Variants in NRK observed in about 807,000 individuals in gnomAD.
NRK encodes Nik related kinase.
Under a neutral mutation model 125.2 loss-of-function variants are expected in NRK, and 67 were observed. The observed-to-expected ratio is 0.54, with a 90% CI of 0.44 to 0.66. NRK has a LOEUF of 0.66. Ranked by LOEUF, NRK falls within the 30% of genes least tolerant of loss-of-function variation. NRK has a pLI of 0.00. For missense variants in NRK, 1,224 were observed against 1,192.9 expected (o/e 1.03, Z -0.38); for synonymous variants, 458 against 429.0 (o/e 1.07, Z -0.84).
At position 105,822,710 on chromosome X, in the gene NRK, A is replaced by G. The variant is rs984243921; in HGVS notation, c.-136A>G. The G allele has an allele frequency of 1.3e-5, 8 of 616,418 alleles. No homozygotes were observed. The African/African-American group carries it at 1.3e-4, about 10-fold the overall frequency. 50.8% of individuals were successfully genotyped at this position (616,418 alleles called of 1,213,427 possible). A position where few individuals can be genotyped will look rare whatever the true frequency, so the allele number is the denominator to read the frequency against. Reference sequence around the variant, plus strand: ...TTTCCCCTCCTCTATCTCCCACGCCACGAACCCCGATCCCCAGACTCCTCT... The same window carrying G: ...TTTCCCCTCCTCTATCTCCCACGCCGCGAACCCCGATCCCCAGACTCCTCT... On this transcript the variant is annotated 5_prime_UTR_variant, in exon 1 of 29. Transcript: ENST00000243300.
chrX:105,852,629 A>G (rs898288231), intron 2 of NRK, among the ~76,000 whole-genome samples: 1 of 111,710 alleles, frequency 9.0e-6, no homozygotes, highest in South Asian at 3.8e-4. Context: ...TCTAAGCAGC[A>G]GGATTTGAAC....
chrX:105,851,717 A>G (rs371112591), intron 2 of NRK, among the ~76,000 whole-genome samples: 1 of 110,750 alleles, frequency 9.0e-6, no homozygotes, highest in East Asian at 2.9e-4. Context: ...GAGATGTAGC[A>G]CCTCTGTAAA....
At chrX:105,880,983 A>G (rs1328031363) in intron 3 of NRK, among the ~76,000 whole-genome samples, 1 of 111,794 alleles carries the variant, frequency 8.9e-6, no homozygotes, top group Non-Finnish European at 1.9e-5. Context: ...ACTGTTGTCA[A>G]GGCCATAAAC....
At chrX:105,927,566 G>A (rs2040540616) in intron 19 of NRK, among the ~76,000 whole-genome samples, 2 of 111,360 alleles carry the variant, frequency 1.8e-5, no homozygotes, top group African/African-American at 6.5e-5. Context: ...AGTTCTTAGA[G>A]GAAAGAATTT....
Position 105,924,689 on chromosome X carries a change from T to A in NRK, c.2976-6T>A. 1 of 1,178,372 alleles carries A rather than the reference T, an allele frequency of 8.5e-7. No individual in the cohort carries two copies. Among genetic ancestry groups the A allele is most frequent in the Non-Finnish European group, 1.1e-6 (1 of 876,918 alleles). On this transcript the variant is annotated splice_region_variant and splice_polypyrimidine_tract_variant and intron_variant, in intron 18 of 28. Transcript: ENST00000243300. ...CTTTCTTTCATTAATTGGAGCTTGT[T>A]GTCAGGGCAAGCTATGGCAGAGATG...
At position 105,939,777 on chromosome X, in the gene NRK, A is replaced by G. The variant is rs890735035; in HGVS notation, c.3800-97A>G. 1.0e-5 allele frequency: 5 copies of G among 499,152 alleles called. No homozygotes were observed. The Admixed American group carries it at 2.4e-4, about 24-fold the overall frequency. 41.1% of individuals were successfully genotyped at this position (499,152 alleles called of 1,213,427 possible). A position where few individuals can be genotyped will look rare whatever the true frequency, so the allele number is the denominator to read the frequency against. On this transcript the variant is annotated intron_variant, in intron 22 of 28. Transcript: ENST00000243300. ...TTTAAGGTGCTTTTTACGTTAATAA[A>G]GATATTTTTAAAAGGCAAAATATCT...
At chrX:105,882,790 G>T (rs747432005) in intron 4 of NRK, among the ~76,000 whole-genome samples, 10 of 111,295 alleles carry the variant, frequency 9.0e-5, no homozygotes, top group African/African-American at 2.9e-4. Context: ...CATATCCAGA[G>T]GACCAGCTAA....
At chrX:105,892,752 G>T (rs927620896) in intron 5 of NRK, among the ~76,000 whole-genome samples, 1 of 111,502 alleles carries the variant, frequency 9.0e-6, no homozygotes, top group Non-Finnish European at 1.9e-5. Context: ...TTTGGTGAAA[G>T]TGTACTCAGG....
intron 2 of NRK, among the ~76,000 whole-genome samples, chrX:105,873,947 T>C (rs1406679818): frequency 8.9e-6 from 1 of 112,434 alleles, no homozygotes; most frequent in African/African-American, 3.2e-5. Flanking sequence ...TTAAGGACTT[T>C]TATGTTTCAC....
intron 19 of NRK, among the ~76,000 whole-genome samples, chrX:105,927,902 G>A (rs1182839169): frequency 9.0e-6 from 1 of 111,053 alleles, no homozygotes; most frequent in African/African-American, 3.3e-5. Context: ...GATTATTTTT[G>A]CATCTATCTT....
At chrX:105,849,302 T>C (rs2039440540) in intron 2 of NRK, among the ~76,000 whole-genome samples, 1 of 111,491 alleles carries the variant, frequency 9.0e-6, no homozygotes, top group Non-Finnish European at 1.9e-5. Context: ...CCGGCCCCCA[T>C]GATTCAATTA....
In NRK at chrX:105,915,800, A is replaced by T; in HGVS notation, c.2417+3A>T. 1 of 1,025,809 alleles carries T rather than the reference A, an allele frequency of 9.7e-7. No homozygotes were observed. Among genetic ancestry groups the T allele is most frequent in the Non-Finnish European group, 1.4e-6 (1 of 733,682 alleles). 84.5% of individuals were successfully genotyped at this position (1,025,809 alleles called of 1,213,427 possible). ...CATCATGTCAAGTTCTCTTCAAGGT[A>T]TGTGTCTTTGATTTCTATATTAAAA... On this transcript the variant is annotated splice_donor_region_variant and intron_variant, in intron 15 of 28. Coordinates refer to ENST00000243300, the MANE Select transcript of NRK (RefSeq NM_198465.4).
intron 27 of NRK, among the ~76,000 whole-genome samples, chrX:105,950,419 A>G (rs773167406): frequency 9.0e-6 from 1 of 110,794 alleles, no homozygotes; most frequent in South Asian, 3.8e-4. Flanking sequence ...GATAGGGAAC[A>G]TAATGCATAC....
In NRK at chrX:105,939,947, T is replaced by C; in HGVS notation, c.3873T>C (p.Ser1291=). 2 of 1,189,212 alleles carry C rather than the reference T, an allele frequency of 1.7e-6. No homozygotes were observed. Among genetic ancestry groups the C allele is most frequent in the Non-Finnish European group, 2.3e-6 (2 of 878,214 alleles). The change falls in exon 23 of 29, where the codon AGT becomes AGC. Residue 1291 remains serine, a synonymous_variant. Coordinates refer to ENST00000243300, the MANE Select transcript of NRK (RefSeq NM_198465.4). ...AGATTTTGAATAATGATCCAGAAAGTAAAAGAAGGCAAGAAGAAATGCTGA... is the reference window on the plus strand; with the variant it reads ...AGATTTTGAATAATGATCCAGAAAGCAAAAGAAGGCAAGAAGAAATGCTGA... ...RNKILNNDPE[S]KRRQEEMLKT...
chrX:105,880,507 A>G (rs958879012), intron 3 of NRK, among the ~76,000 whole-genome samples: 3 of 111,058 alleles, frequency 2.7e-5, no homozygotes, highest in African/African-American at 9.8e-5. Context: ...GGTATTCTAT[A>G]ACACTGAGGA....
intron 19 of NRK, among the ~76,000 whole-genome samples, chrX:105,933,687 A>T (rs758241054): frequency 9.0e-6 from 1 of 111,421 alleles, no homozygotes; most frequent in African/African-American, 3.3e-5. Flanking sequence ...CAGGTTTTTC[A>T]TGCTTTCAGT....
intron 16 of NRK, 43 bp downstream of exon 16, chrX:105,917,715 A>G: frequency 1.6e-6 from 1 of 635,364 alleles, no homozygotes; most frequent in South Asian, 3.1e-5. Flanking sequence ...ACACAGAGCT[A>G]CTGTTTAACA....
intron 10 of NRK, 32 bp from the exon 11 acceptor site, chrX:105,906,382 C>A: frequency 1.0e-6 from 1 of 977,887 alleles, no homozygotes; most frequent in East Asian, 3.3e-5. Flanking sequence ...ACTGAGAACA[C>A]TTTTTTTTCC....
In NRK at chrX:105,828,855, A is replaced by G. The variant is rs780690241; in HGVS notation, c.58-2199A>G. Among the ~76,000 whole-genome samples the G allele has an allele frequency of 2.7e-5, 3 of 112,173 alleles. No homozygotes were observed. The South Asian group carries it at 1.1e-3, about 41-fold the overall frequency. On this transcript the variant is annotated intron_variant, in intron 1 of 28. Transcript: ENST00000243300. Reference sequence around the variant, plus strand: ...TTTTACTTCTTAGATCCTAAAAATTATCATTTTAGATAAATTACATGTTCG... The same window carrying G: ...TTTTACTTCTTAGATCCTAAAAATTGTCATTTTAGATAAATTACATGTTCG...
Sources: gnomAD v4.1 joint callset for allele counts (sites outside exome capture counted in the v4.1 genomes callset) on GRCh38, gnomAD v4.1.1 for gene constraint, MANE v1.5 for transcripts, NCBI Gene and HGNC (gene_info 2026-07-23, HGNC 2026-07-21) for gene names.